The following ZCCHC4 variants were observed in gnomAD, a reference collection of about 807,000 sequenced individuals.
The protein encoded by ZCCHC4 is rRNA N(6)-adenosine-methyltransferase ZCCHC4.
In ZCCHC4, 54 loss-of-function variants were observed where a neutral mutation model predicts 67.7. That is an observed-to-expected ratio of 0.80 (90% CI 0.64 to 1.00). The LOEUF is 1.00. ZCCHC4 is among the 50% of genes least tolerant of loss of function. The pLI, the probability that ZCCHC4 is intolerant of heterozygous loss-of-function variation, is 0.00. For missense variants in ZCCHC4, 609 were observed against 617.0 expected, an observed-to-expected ratio of 0.99 and a Z score of 0.14; for synonymous variants, 198 against 213.5, an observed-to-expected ratio of 0.93 and a Z score of 0.63.
chr4:25,338,521 C>G (rs1400664810), intron 5 of ZCCHC4, among the ~76,000 whole-genome samples: 1 of 152,226 alleles, frequency 6.6e-6, no homozygotes, highest in Non-Finnish European at 1.5e-5. Flanking sequence ...TCAGAAGAAG[C>G]ACTCTCCCTG....
chr4:25,350,254 CTTTTT>C (rs751802021), intron 7 of ZCCHC4, among the ~76,000 whole-genome samples: 1 of 84,912 alleles, frequency 1.2e-5, no homozygotes, highest in African/African-American at 5.1e-5. Flanking sequence ...GGTACTGCTT[CTTTTT>C]TTTTTTTTTT....
chr4:25,345,663 A>G, intron 6 of ZCCHC4, 43 bp downstream of exon 6: 1 of 1,338,520 alleles, frequency 7.5e-7, no homozygotes, highest in African/African-American at 1.5e-5. Context: ...TTATTGTGGA[A>G]TAACAGATTT....
chr4:25,339,819 A>G (rs1190435843), intron 5 of ZCCHC4, among the ~76,000 whole-genome samples: 1 of 151,556 alleles, frequency 6.6e-6, no homozygotes, highest in Middle Eastern at 3.2e-3. Context: ...CCATGTTTTC[A>G]TCAAAGAGTT....
At chr4:25,329,893 G>A (rs1719093343) in intron 3 of ZCCHC4, among the ~76,000 whole-genome samples, 1 of 152,070 alleles carries the variant, frequency 6.6e-6, no homozygotes, top group South Asian at 2.1e-4. Context: ...TGCACCTCTT[G>A]AACACATGGA....
intron 8 of ZCCHC4, chr4:25,352,293 C>G: frequency 1.0e-6 from 1 of 985,406 alleles, no homozygotes. Context: ...CACAGCAGCT[C>G]CACCTGGTCT....
intron 5 of ZCCHC4, among the ~76,000 whole-genome samples, chr4:25,341,919 C>T (rs186391603): frequency 9.2e-5 from 14 of 152,260 alleles, no homozygotes; most frequent in African/African-American, 3.4e-4. Context: ...CCTTTTCTTG[C>T]ACCTGTAGTT....
At chr4:25,349,091 A>G (rs1328928265) in intron 6 of ZCCHC4, among the ~76,000 whole-genome samples, 1 of 152,206 alleles carries the variant, frequency 6.6e-6, no homozygotes, top group Non-Finnish European at 1.5e-5. Context: ...AGATAGGAAA[A>G]CAATGTTTTC....
intron 10 of ZCCHC4, 69 bp downstream of exon 10, chr4:25,362,370 T>A (rs907183598): frequency 7.6e-6 from 8 of 1,055,062 alleles, no homozygotes; most frequent in Non-Finnish European, 1.1e-5. Context: ...CTAGTTTTAT[T>A]ACTTTTTCAA....
At chr4:25,361,605 G>A (rs888094270) in intron 8 of ZCCHC4, 1 of 416,620 alleles carries the variant, frequency 2.4e-6, no homozygotes, top group Non-Finnish European at 4.3e-6. Flanking sequence ...CCCACAGCTT[G>A]CGCCCAGTCT....
intron 5 of ZCCHC4, among the ~76,000 whole-genome samples, chr4:25,339,860 T>C (rs901086026): frequency 6.6e-6 from 1 of 152,002 alleles, no homozygotes; most frequent in Non-Finnish European, 1.5e-5. Flanking sequence ...CTTAGGTCTT[T>C]AATCTATTTT....
At chr4:25,348,329 A>C (rs768906797) in intron 6 of ZCCHC4, among the ~76,000 whole-genome samples, 6 of 152,220 alleles carry the variant, frequency 3.9e-5, no homozygotes, top group Non-Finnish European at 8.8e-5. Flanking sequence ...TTATTATAAA[A>C]TACATATAGG....
intron 8 of ZCCHC4, among the ~76,000 whole-genome samples, chr4:25,360,348 G>T (rs553433493): frequency 1.3e-5 from 2 of 152,248 alleles, no homozygotes; most frequent in Admixed American, 1.3e-4. Context: ...ACCCATTTGA[G>T]CTGGATGTGC....
intron 2 of ZCCHC4, among the ~76,000 whole-genome samples, chr4:25,315,084 A>C (rs1189678098): frequency 6.6e-6 from 1 of 152,120 alleles, no homozygotes; most frequent in Non-Finnish European, 1.5e-5. Context: ...CCTTTTTGCT[A>C]TTGTGGATGA....
intron 7 of ZCCHC4, 172 bp downstream of exon 7, chr4:25,349,814 G>T: frequency 6.2e-6 from 4 of 642,442 alleles, no homozygotes; most frequent in East Asian, 2.9e-5. Flanking sequence ...GATATACTTT[G>T]TATTATTCTA....
Position 25,312,851 on chromosome 4 carries a change from G to T in ZCCHC4, c.42G>T (p.Glu14Asp). 6.2e-7 allele frequency: 1 copy of T among 1,613,270 alleles called. No individual in the cohort carries two copies. The highest frequency in any genetic ancestry group is 8.5e-7 in the Non-Finnish European group (1 of 1,180,038). Residue 14 changes from glutamate (E) to aspartate (D), a missense_variant, in exon 1 of 13, where the codon GAG (glutamate) becomes GAT (aspartate). Transcript: ENST00000302874. ...ATGGGTTTGAAGCCGTGGAGGCAGA[G>T]GGCAGCGCAGGGTGCCGGGGAAGCT... ...SRNGFEAVEA[E>D]GSAGCRGSSG... is the part of the protein sequence containing the mutation.
intron 5 of ZCCHC4, among the ~76,000 whole-genome samples, chr4:25,335,915 C>G (rs1719435667): frequency 6.6e-6 from 1 of 152,156 alleles, no homozygotes; most frequent in African/African-American, 2.4e-5. Flanking sequence ...CCACTCATCC[C>G]TTGTTGACAG....
intron 8 of ZCCHC4, among the ~76,000 whole-genome samples, chr4:25,357,557 C>T (rs1395579765): frequency 6.6e-6 from 1 of 152,166 alleles, no homozygotes; most frequent in Non-Finnish European, 1.5e-5. Context: ...TGAAGCTTAC[C>T]CTTAAACTAG....
At chr4:25,366,567 T>G (rs556242076) in intron 12 of ZCCHC4, among the ~76,000 whole-genome samples, 1 of 152,124 alleles carries the variant, frequency 6.6e-6, no homozygotes, top group Non-Finnish European at 1.5e-5. Context: ...CTGCCTGCCT[T>G]GGCCTCCCCA....
In ZCCHC4 at chr4:25,312,828, G is replaced by T. The variant is rs748742354; in HGVS notation, c.19G>T (p.Gly7Trp). ...CGGGAAGATGGCGGCCTCCAGGAAT[G>T]GGTTTGAAGCCGTGGAGGCAGAGGG... MAASRN[G>W]FEAVEAEGSA... The change falls in exon 1 of 13, where the codon GGG becomes TGG. Residue 7 changes from glycine to tryptophan, a missense_variant. By Grantham distance (184) the Gly-to-Trp change is radical. Transcript: ENST00000302874. 2 of 1,613,330 alleles carry T rather than the reference G, an allele frequency of 1.2e-6. No individual in the cohort carries two copies. Among genetic ancestry groups the T allele is most frequent in the South Asian group, 1.1e-5 (1 of 91,042 alleles).
Sources: gnomAD v4.1 joint callset for allele counts (sites outside exome capture counted in the v4.1 genomes callset) on GRCh38, gnomAD v4.1.1 for gene constraint, MANE v1.5 for transcripts, NCBI Gene and HGNC (gene_info 2026-07-23, HGNC 2026-07-21) for gene names.